PAX3: variants seen among roughly 807,000 people sequenced by gnomAD.
PAX3 encodes the protein paired box protein Pax-3.
In PAX3, 14 loss-of-function variants were observed where a neutral mutation model predicts 51.6. The observed-to-expected ratio is 0.27, with a 90% CI of 0.18 to 0.42. The LOEUF is 0.42. Ranked by LOEUF, PAX3 falls within the 10% of genes least tolerant of loss-of-function variation. PAX3 has a pLI of 1.00. For synonymous variants in PAX3, 280 were observed against 253.4 expected (o/e 1.11, Z -1.00); for missense variants, 540 against 642.8 (o/e 0.84, Z 1.73).
chr2:222,273,102 A>G (rs1040896050), intron 4 of PAX3, among the ~76,000 whole-genome samples: 9 of 152,216 alleles, frequency 5.9e-5, no homozygotes, highest in African/African-American at 1.9e-4. Context: ...GACTTTTGTT[A>G]TGTAATAAGA....
chr2:222,259,518 A>G (rs1693766069), intron 4 of PAX3, among the ~76,000 whole-genome samples: 1 of 152,236 alleles, frequency 6.6e-6, no homozygotes. Context: ...AAAGGGGTTT[A>G]TAACTAAGCA....
rs1388625291 is a variant in PAX3 at position 222,199,944 on chromosome 2, A to G, written c.*1464T>C. The G allele has an allele frequency of 5.3e-6, 1 of 187,324 alleles. No individual in the cohort carries two copies. The highest frequency in any genetic ancestry group is 1.1e-5 in the Non-Finnish European group (1 of 88,548). The allele number at this position is 187,324 out of a possible 1,614,324, so 11.6% of individuals were successfully genotyped here. A position where few individuals can be genotyped will look rare whatever the true frequency, so the allele number is the denominator to read the frequency against. On this transcript the variant is annotated 3_prime_UTR_variant, in exon 9 of 9. Coordinates refer to ENST00000392070, the MANE Select transcript of PAX3 (RefSeq NM_181458.4). ...AGTAAATATTTACTGCACTTTTTAC[A>G]TGAAAGACATTTTTACAACACATTG...
intron 4 of PAX3, among the ~76,000 whole-genome samples, chr2:222,254,260 T>C (rs960173366): frequency 2.0e-5 from 3 of 152,206 alleles, no homozygotes; most frequent in Non-Finnish European, 2.9e-5. Context: ...GATATGTTAT[T>C]TGCCTGGGGA....
In PAX3 at chr2:222,294,180, G is replaced by A; in HGVS notation, c.573C>T (p.Ile191=). The A allele has an allele frequency of 6.2e-7, 1 of 1,614,222 alleles. No homozygotes were observed. The highest frequency in any genetic ancestry group is 8.5e-7 in the Non-Finnish European group (1 of 1,180,038). The change falls in exon 4 of 9, where the codon ATC becomes ATT. Residue 191 remains isoleucine, a synonymous_variant. Coordinates refer to ENST00000392070, the MANE Select transcript of PAX3 (RefSeq NM_181458.4). ...GCCACCGCTTACCTCGCTCGCTCAG[G>A]ATGCCGTCGATGCTGTGTTTGGCCT... ...EKKAKHSIDG[I]LSERASAPQS...
chr2:222,295,420 C>T, intron 3 of PAX3, 108 bp downstream of exon 3: 1 of 1,354,578 alleles, frequency 7.4e-7, no homozygotes, highest in Admixed American at 1.7e-5. Context: ...GGAGAGGCCA[C>T]CTCCCAATAG....
At chr2:222,288,907 C>G (rs941696356) in intron 4 of PAX3, among the ~76,000 whole-genome samples, 2 of 152,170 alleles carry the variant, frequency 1.3e-5, no homozygotes, top group East Asian at 1.9e-4. Flanking sequence ...GGTTAAGAAC[C>G]CCTCACAATG....
rs141730896 is a variant in PAX3, at chr2:222,213,211, A to G, written c.1173+6929T>C. ...GGGCCAGGTCGTTGTCTCTTTCACA[A>G]TTCACCAAATTAAACTAACTCAAGA... is the stretch of plus-strand genomic sequence containing the variant. On this transcript the variant is annotated intron_variant, in intron 7 of 8. Coordinates refer to ENST00000392070, the MANE Select transcript of PAX3 (RefSeq NM_181458.4). Among the ~76,000 whole-genome samples, 239 of 152,238 alleles carry G rather than the reference A, an allele frequency of 1.6e-3. 1 individual carries two copies. The highest frequency in any genetic ancestry group is 5.2e-3 in the African/African-American group (218 of 41,566).
chr2:222,208,789 C>A (rs1478406523), intron 7 of PAX3, among the ~76,000 whole-genome samples: 1 of 151,980 alleles, frequency 6.6e-6, no homozygotes, highest in Non-Finnish European at 1.5e-5. Context: ...ATTACTTGAC[C>A]CTTTGAGACT....
At chr2:222,244,125 C>T (rs1449291622) in intron 4 of PAX3, among the ~76,000 whole-genome samples, 1 of 152,180 alleles carries the variant, frequency 6.6e-6, no homozygotes, top group African/African-American at 2.4e-5. Flanking sequence ...ATTGGCAAAC[C>T]AGTCAAAATG....
intron 4 of PAX3, chr2:222,293,904 C>G: frequency 6.3e-7 from 1 of 1,584,716 alleles, no homozygotes; most frequent in Non-Finnish European, 8.6e-7. Flanking sequence ...GCACAATTCA[C>G]AGTTCTAGAA....
chr2:222,234,242 G>A (rs991244635), intron 4 of PAX3, among the ~76,000 whole-genome samples: 6 of 152,046 alleles, frequency 3.9e-5, no homozygotes, highest in African/African-American at 1.4e-4. Flanking sequence ...CAAAAGAGAA[G>A]TATTACATAT....
chr2:222,271,520 A>G (rs1031724725), intron 4 of PAX3, among the ~76,000 whole-genome samples: 1 of 152,224 alleles, frequency 6.6e-6, no homozygotes, highest in Non-Finnish European at 1.5e-5. Context: ...CACTTCCTAA[A>G]GTATTTTTAC....
chr2:222,285,223 T>C (rs1020767835), intron 4 of PAX3, among the ~76,000 whole-genome samples: 11 of 152,244 alleles, frequency 7.2e-5, no homozygotes, highest in Admixed American at 5.2e-4. Context: ...GGCCAAGATT[T>C]TCTTAATCAT....
At chr2:222,256,725 T>C (rs1443536106) in intron 4 of PAX3, among the ~76,000 whole-genome samples, 1 of 152,252 alleles carries the variant, frequency 6.6e-6, no homozygotes, top group African/African-American at 2.4e-5. Flanking sequence ...AATGCAGTAT[T>C]TTTCATGTTA....
chr2:222,268,340 G>T (rs1290479652), intron 4 of PAX3, among the ~76,000 whole-genome samples: 1 of 152,144 alleles, frequency 6.6e-6, no homozygotes, highest in Non-Finnish European at 1.5e-5. Context: ...AGAAGTGCTT[G>T]GCTTCTGTTG....
chr2:222,258,983 C>T (rs1224601107), intron 4 of PAX3, among the ~76,000 whole-genome samples: 2 of 152,148 alleles, frequency 1.3e-5, no homozygotes, highest in Non-Finnish European at 2.9e-5. Context: ...CTGAAGCATA[C>T]TGTGGAGTGA....
At chr2:222,294,330 G>T in intron 3 of PAX3, 29 bp from the exon 4 acceptor site, 1 of 1,613,542 alleles carries the variant, frequency 6.2e-7, no homozygotes, top group Non-Finnish European at 8.5e-7. Flanking sequence ...AGGAAGCAAG[G>T]GAGCGCACAT....
chr2:222,232,282 G>A lies in PAX3; in HGVS notation c.588C>T (p.Ala196=). 3 of 1,612,880 alleles carry A rather than the reference G, an allele frequency of 1.9e-6. No homozygotes were observed. The highest frequency in any genetic ancestry group is 2.5e-6 in the Non-Finnish European group (3 of 1,179,022). The change falls in exon 5 of 9, where the codon GCC becomes GCT. Residue 196 remains alanine, a splice_region_variant and synonymous_variant. Transcript: ENST00000392070. ...HSIDGILSER[A]SAPQSDEGSD... ...AGCCTTCATCTGATTGGGGTGCTGA[G>A]GCTAAAAGCACAGAAGAACAAAACA... is the stretch of plus-strand genomic sequence containing the variant.
intron 4 of PAX3, chr2:222,242,376 AC>A (rs1223322736): frequency 3.3e-5 from 5 of 152,174 alleles, no homozygotes; most frequent in Non-Finnish European, 5.9e-5. Flanking sequence ...CTACTTACTG[AC>A]CTGCTAACAG....
Sources: allele counts gnomAD v4.1 joint callset (sites outside exome capture counted in the v4.1 genomes callset), GRCh38; gene constraint gnomAD v4.1.1; transcripts MANE v1.5; gene names NCBI Gene and HGNC (gene_info 2026-07-23, HGNC 2026-07-21).